TIAM1: variants seen among roughly 807,000 people sequenced by gnomAD.
The protein encoded by TIAM1 is TIAM Rac1 associated GEF 1, also known as rho guanine nucleotide exchange factor TIAM1.
In TIAM1, 65 loss-of-function variants were observed where a neutral mutation model predicts 163.5. The ratio of observed to expected loss-of-function variants is 0.40; its 90% CI spans 0.33 to 0.49. The LOEUF is 0.49. Ranked by LOEUF, TIAM1 falls within the 20% of genes least tolerant of loss-of-function variation. The probability of loss-of-function intolerance (pLI) is 0.77; values close to 1 mark genes in which losing one functional copy is unlikely to be tolerated. For synonymous variants in TIAM1, 833 were observed against 810.1 expected (o/e 1.03, Z -0.48); for missense variants, 1,789 against 2,044.7 (o/e 0.87, Z 2.41).
At chr21:31,484,004 T>C (rs2046196429) in intron 1 of TIAM1, among the ~76,000 whole-genome samples, 2 of 152,182 alleles carry the variant, frequency 1.3e-5, no homozygotes, top group South Asian at 4.1e-4. Context: ...TGATCAGTCA[T>C]AAGGTGCAAT....
chr21:31,300,544 A>G (rs1053598375), intron 2 of TIAM1, among the ~76,000 whole-genome samples: 4 of 152,246 alleles, frequency 2.6e-5, no homozygotes, highest in African/African-American at 9.6e-5. Context: ...ACCCCTCGTC[A>G]ATGATAAACG....
At chr21:31,469,432 T>C (rs2045656700) in intron 1 of TIAM1, among the ~76,000 whole-genome samples, 1 of 152,064 alleles carries the variant, frequency 6.6e-6, no homozygotes, top group Non-Finnish European at 1.5e-5. Flanking sequence ...TGAAAACACT[T>C]TCTCTCGTGA....
chr21:31,206,748 A>G (rs1361638034), intron 11 of TIAM1, among the ~76,000 whole-genome samples: 3 of 152,182 alleles, frequency 2.0e-5, no homozygotes, highest in Non-Finnish European at 2.9e-5. Flanking sequence ...TATTTTCAGT[A>G]AATAGTTTGC....
At chr21:31,508,633 G>A (rs1425630204) in intron 1 of TIAM1, among the ~76,000 whole-genome samples, 1 of 152,040 alleles carries the variant, frequency 6.6e-6, no homozygotes, top group Non-Finnish European at 1.5e-5. Context: ...CAGGTGATCT[G>A]CCCGCCTCTG....
intron 2 of TIAM1, among the ~76,000 whole-genome samples, chr21:31,443,927 C>T (rs917951560): frequency 5.3e-5 from 8 of 152,154 alleles, no homozygotes; most frequent in African/African-American, 1.9e-4. Flanking sequence ...ACAGAGCTGG[C>T]TTCCATTCAA....
intron 2 of TIAM1, among the ~76,000 whole-genome samples, chr21:31,463,726 G>A (rs1040678051): frequency 6.6e-6 from 1 of 151,856 alleles, no homozygotes; most frequent in South Asian, 2.1e-4. Flanking sequence ...GCCGAGGCAG[G>A]GGAATGGCTT....
chr21:31,344,667 T>C (rs1242730703), upstream of TIAM1, among the ~76,000 whole-genome samples: 1 of 152,116 alleles, frequency 6.6e-6, no homozygotes, highest in Non-Finnish European at 1.5e-5. Context: ...CAAACATCTA[T>C]TGAAAAGGAG....
chr21:31,269,441 A>C (rs950334228), intron 3 of TIAM1, among the ~76,000 whole-genome samples: 3 of 152,238 alleles, frequency 2.0e-5, no homozygotes, highest in Admixed American at 2.0e-4. Context: ...ACTGAAGTTA[A>C]GAAAAATAAG....
intron 11 of TIAM1, among the ~76,000 whole-genome samples, chr21:31,209,070 T>C (rs2086592332): frequency 3.3e-5 from 5 of 152,172 alleles, no homozygotes; most frequent in Admixed American, 3.3e-4. Flanking sequence ...CTGAGAGTTC[T>C]TGTGGACACT....
chr21:31,283,561 T>A (rs967946613), intron 2 of TIAM1, among the ~76,000 whole-genome samples: 3 of 139,344 alleles, frequency 2.2e-5, no homozygotes, highest in African/African-American at 9.8e-5. Context: ...TTATTTATTT[T>A]TGAGATGAAG....
At position 31,489,974 on chromosome 21, in the gene TIAM1, T is replaced by C. The variant is rs190158021; in HGVS notation, c.-421-25939A>G. On this transcript the variant is annotated intron_variant, in intron 1 of 28. Transcript: ENST00000286827. ...AGACTTTTTTATCCAGCCCTTCATA[T>C]GAAAGTTTGTTCTAGGAAAAAAAAG... is the stretch of plus-strand genomic sequence containing the variant. Among the ~76,000 whole-genome samples the C allele has an allele frequency of 5.9e-5, 9 of 152,310 alleles. No homozygotes were observed. The East Asian group carries it at 1.7e-3, about 29-fold the overall frequency.
intron 2 of TIAM1, among the ~76,000 whole-genome samples, chr21:31,398,158 C>CAAAAAAAA (rs34895602): frequency 1.9e-5 from 1 of 52,506 alleles, no homozygotes; most frequent in Non-Finnish European, 3.9e-5. Flanking sequence ...ATCTTCAGGG[C>CAAAAAAAA]AAAAAAAAAA....
chr21:31,497,031 T>A (rs2046685624), intron 1 of TIAM1, among the ~76,000 whole-genome samples: 1 of 152,124 alleles, frequency 6.6e-6, no homozygotes, highest in South Asian at 2.1e-4. Context: ...TGACAAAAGG[T>A]AGAGTTCAGG....
At chr21:31,312,847 C>T (rs770178480) in intron 2 of TIAM1, among the ~76,000 whole-genome samples, 5 of 151,624 alleles carry the variant, frequency 3.3e-5, no homozygotes, top group Non-Finnish European at 5.9e-5. Context: ...GACAGAATGA[C>T]GGGAAGAAAA....
At chr21:31,371,087 G>A (rs781432399) in intron 2 of TIAM1, among the ~76,000 whole-genome samples, 2 of 152,194 alleles carry the variant, frequency 1.3e-5, no homozygotes, top group Non-Finnish European at 2.9e-5. Flanking sequence ...TTTGTTTTCT[G>A]ACCAGTCATC....
chr21:31,309,025 A>AC (rs1569198698), intron 2 of TIAM1, among the ~76,000 whole-genome samples: 1 of 151,990 alleles, frequency 6.6e-6, no homozygotes, highest in African/African-American at 2.4e-5. Flanking sequence ...TACAAGCTCA[A>AC]TGACCTCCAC....
intron 2 of TIAM1, among the ~76,000 whole-genome samples, chr21:31,308,533 T>C (rs1448037638): frequency 6.6e-6 from 1 of 151,994 alleles, no homozygotes; most frequent in East Asian, 1.9e-4. Flanking sequence ...TTTACTATAT[T>C]CTAAATGCTT....
intron 2 of TIAM1, among the ~76,000 whole-genome samples, chr21:31,419,832 C>T (rs2300365): frequency 6.6e-6 from 1 of 152,094 alleles, no homozygotes; most frequent in Admixed American, 6.5e-5. Flanking sequence ...GGGTGGATCA[C>T]CTGAGGTCAG....
In TIAM1 at chr21:31,153,061, C is replaced by T. The variant is rs1194292609; in HGVS notation, c.3240+5G>A. On this transcript the variant is annotated splice_donor_5th_base_variant and intron_variant, in intron 18 of 27. Coordinates refer to ENST00000541036, the MANE Select transcript of TIAM1 (RefSeq NM_001353694.2). ...GTCACAAAGTTGAAACCATTTCCAGCATACCTCATCCTGGGTGAGAAAAGT... is the reference window on the plus strand; with the variant it reads ...GTCACAAAGTTGAAACCATTTCCAGTATACCTCATCCTGGGTGAGAAAAGT... The T allele has an allele frequency of 6.2e-7, 1 of 1,612,592 alleles. No individual in the cohort carries two copies. The highest frequency in any genetic ancestry group is 8.5e-7 in the Non-Finnish European group (1 of 1,179,444).
Sources: gnomAD v4.1 joint callset for allele counts (sites outside exome capture counted in the v4.1 genomes callset) on GRCh38, gnomAD v4.1.1 for gene constraint, MANE v1.5 for transcripts, NCBI Gene and HGNC (gene_info 2026-07-23, HGNC 2026-07-21) for gene names.